Variants in TMEM183A observed in about 807,000 individuals in gnomAD.
The protein encoded by TMEM183A is transmembrane protein 183A.
Under a neutral mutation model 46.7 loss-of-function variants are expected in TMEM183A, and 21 were observed. The ratio of observed to expected loss-of-function variants is 0.45; its 90% confidence interval spans 0.32 to 0.65. TMEM183A has a LOEUF of 0.65. Among genes scored for constraint, TMEM183A ranks in the 30% least tolerant of loss-of-function variants. The probability of loss-of-function intolerance (pLI) is 0.04; values close to 1 mark genes in which losing one functional copy is unlikely to be tolerated. For synonymous variants in TMEM183A, 165 were observed against 180.2 expected (o/e 0.92, Z 0.68); for missense variants, 331 against 481.9 (o/e 0.69, Z 2.93).
chr1:203,022,429 G>A (rs555809764), intron 7 of TMEM183A, among the ~76,000 whole-genome samples: 13 of 152,126 alleles, frequency 8.5e-5, no homozygotes, highest in Non-Finnish European at 1.9e-4. Context: ...TTGGCTGGGC[G>A]TGGTGGCTCA....
At chr1:203,017,851 A>ACG in intron 5 of TMEM183A, 4 of 985,992 alleles carry the variant, frequency 4.1e-6, no homozygotes, top group Non-Finnish European at 4.8e-6. Context: ...GAACAGCAGG[A>ACG]CGTACAGGGC....
chr1:203,020,693 C>T, intron 6 of TMEM183A, 100 bp from the exon 7 acceptor site: 1 of 1,422,916 alleles, frequency 7.0e-7, no homozygotes, highest in Non-Finnish European at 9.7e-7. Context: ...AAAAGTGTAT[C>T]TCACTAGCTT....
intron 5 of TMEM183A, among the ~76,000 whole-genome samples, chr1:203,018,144 G>T (rs1422422703): frequency 6.6e-6 from 1 of 152,190 alleles, no homozygotes; most frequent in Non-Finnish European, 1.5e-5. Context: ...TAATGTAGAG[G>T]ATTAGCCTGC....
intron 6 of TMEM183A, 94 bp downstream of exon 6, chr1:203,018,655 A>G: frequency 1.5e-6 from 2 of 1,368,226 alleles, no homozygotes; most frequent in South Asian, 1.3e-5. Flanking sequence ...CTATAACAGT[A>G]CCACAGATTC....
In TMEM183A at chr1:203,023,776, G is replaced by C. The variant is rs1657938061; in HGVS notation, c.*736G>C. ...AGTTGAGAAAACGGAATTAGTGACT[G>C]TACCTATAACACCAGTAAATGCAGA... On this transcript the variant is annotated 3_prime_UTR_variant, in exon 8 of 8. Coordinates refer to ENST00000367242, the MANE Select transcript of TMEM183A (RefSeq NM_138391.6). 6.6e-6 allele frequency: 1 copy of C among 152,182 alleles called. No homozygotes were observed. The highest frequency in any genetic ancestry group is 1.5e-5 in the Non-Finnish European group (1 of 68,026). The allele number at this position is 152,182 out of a possible 1,614,324, so 9.4% of individuals were successfully genotyped here. A position where few individuals can be genotyped will look rare whatever the true frequency, so the allele number is the denominator to read the frequency against.
intron 3 of TMEM183A, among the ~76,000 whole-genome samples, chr1:203,012,939 C>T (rs974424116): frequency 2.0e-5 from 3 of 152,130 alleles, no homozygotes; most frequent in South Asian, 4.1e-4. Context: ...AAGCCGATCT[C>T]GAACTCCTGG....
rs56743654 is a variant in TMEM183A at position 203,012,235 on chromosome 1, T to TCACACACACACACACACACACACACA, written c.368-2636_368-2611dup. ...ACTTCAACCATTACTCCCCACTCCA[T>TCACACACACACACACACACACACACA]CACACACACACACACACACACACAC... is the stretch of plus-strand genomic sequence containing the variant. On this transcript the variant is annotated intron_variant, in intron 3 of 7. Coordinates refer to ENST00000367242, the MANE Select transcript of TMEM183A (RefSeq NM_138391.6). Among the ~76,000 whole-genome samples the TCACACACACACACACACACACACACA allele has an allele frequency of 2.8e-3, 230 of 80,820 alleles. 4 individuals are homozygous for TCACACACACACACACACACACACACA. The highest frequency in any genetic ancestry group is 7.7e-3 in the Middle Eastern group (1 of 130). The allele number at this position is 80,820 out of a possible 152,430, so 53.0% of individuals were successfully genotyped here.
Position 203,007,484 on chromosome 1 carries a change from C to CCAG in TMEM183A, c.20_21insAGC (p.Pro7_Leu8insAla). 1 of 1,478,978 alleles carries CCAG rather than the reference C, an allele frequency of 6.8e-7. No homozygotes were observed. Among genetic ancestry groups the CCAG allele is most frequent in the Non-Finnish European group, 9.0e-7 (1 of 1,112,404 alleles). 91.6% of individuals were successfully genotyped at this position (1,478,978 alleles called of 1,614,324 possible). ...CGGAGACATGGCCCGGGGGCCCGGC[C>CCAG]CGCTAGGCAGGCCTCGCCCCGATAC... On this transcript the variant is annotated inframe_insertion, in exon 1 of 8. Transcript: ENST00000367242.
rs183449330 is a variant in TMEM183A, at chr1:203,009,299, A to G, written c.367+489A>G. Among the ~76,000 whole-genome samples the G allele has an allele frequency of 3.5e-3, 534 of 152,334 alleles. 4 individuals are homozygous for G. Among genetic ancestry groups the G allele is most frequent in the African/African-American group, 0.012 (507 of 41,572 alleles). ...ATTAGTAATGTCTGCTTTATGTCTA[A>G]TAAGTATTGTGGGAAATAGAAAAGT... On this transcript the variant is annotated intron_variant, in intron 3 of 7. Coordinates refer to ENST00000367242, the MANE Select transcript of TMEM183A (RefSeq NM_138391.6).
chr1:203,015,750 A>G, intron 4 of TMEM183A: 1 of 590,620 alleles, frequency 1.7e-6, no homozygotes, highest in East Asian at 2.9e-5. Context: ...AAAAGTGAGG[A>G]CTTCAACTTT....
chr1:203,022,530 C>G (rs1657794000), intron 7 of TMEM183A, among the ~76,000 whole-genome samples: 1 of 152,012 alleles, frequency 6.6e-6, no homozygotes. Context: ...TGGCAAAACC[C>G]TGTCTCTACT....
chr1:203,015,877 A>G (rs1571614551), intron 4 of TMEM183A, 83 bp from the exon 5 acceptor site: 3 of 1,531,080 alleles, frequency 2.0e-6, no homozygotes, highest in East Asian at 4.5e-5. Flanking sequence ...TAAAGTTCAT[A>G]CAGAGACCAG....
At chr1:203,014,324 C>T (rs1205395341) in intron 3 of TMEM183A, among the ~76,000 whole-genome samples, 1 of 152,174 alleles carries the variant, frequency 6.6e-6, no homozygotes, top group Non-Finnish European at 1.5e-5. Context: ...AAATGATGGT[C>T]AGGTGCAGTG....
chr1:203,008,155 T>C (rs1656167123), intron 2 of TMEM183A, among the ~76,000 whole-genome samples: 1 of 152,236 alleles, frequency 6.6e-6, no homozygotes, highest in Non-Finnish European at 1.5e-5. Context: ...TACTCTGCAG[T>C]TTGCTTCCTT....
At position 203,007,472 on chromosome 1, in the gene TMEM183A, C is replaced by T. The variant is rs1055859092; in HGVS notation, c.7C>T (p.Arg3Trp). 4.1e-6 allele frequency: 6 copies of T among 1,445,808 alleles called. No homozygotes were observed. The highest frequency in any genetic ancestry group is 3.0e-5 in the African/African-American group (2 of 67,596). The allele number at this position is 1,445,808 out of a possible 1,614,324, so 89.6% of individuals were successfully genotyped here. MA[R>W]GPGPLGRPRP... The stretch of plus-strand genomic sequence containing the variant: ...CGGCTCTCCGGCCGGAGACATGGCC[C>T]GGGGGCCCGGCCCGCTAGGCAGGCC... Residue 3 changes from arginine to tryptophan, a missense_variant, in exon 1 of 8, where the codon CGG becomes TGG. By Grantham distance (101) the Arg-to-Trp change is moderately radical (BLOSUM62 -3). Around this residue, in one of 2 missense-constraint regions of TMEM183A, gnomAD observed 98 missense variants for 96.1 expected, o/e 1.02. Coordinates refer to ENST00000367242, the MANE Select transcript of TMEM183A (RefSeq NM_138391.6).
chr1:203,020,322 T>G (rs1447288490), intron 6 of TMEM183A, among the ~76,000 whole-genome samples: 1 of 152,206 alleles, frequency 6.6e-6, no homozygotes, highest in Non-Finnish European at 1.5e-5. Context: ...GAAATGTGAC[T>G]AGAAGCAGAC....
intron 7 of TMEM183A, among the ~76,000 whole-genome samples, chr1:203,021,923 C>A (rs1267258639): frequency 5.3e-5 from 8 of 152,052 alleles, no homozygotes; most frequent in Non-Finnish European, 1.2e-4. Flanking sequence ...AATATACTGA[C>A]AAAGTAAAGG....
Position 203,022,010 on chromosome 1 carries a change from A to G in TMEM183A, c.946-845A>G, listed in dbSNP as rs137910909. Among the ~76,000 whole-genome samples, 1,144 of 152,298 alleles carry G rather than the reference A, an allele frequency of 7.5e-3. 14 individuals carry two copies. Among genetic ancestry groups the G allele is most frequent in the African/African-American group, 0.026 (1,091 of 41,566 alleles). The stretch of plus-strand genomic sequence containing the variant: ...TCTCTTAATGTGTCTGTTAATATGT[A>G]TGTACTCTCTCTCTCTCAAATAATT... On this transcript the variant is annotated intron_variant, in intron 7 of 7. Transcript: ENST00000367242.
At chr1:203,017,947 G>A in intron 5 of TMEM183A, 1 of 986,246 alleles carries the variant, frequency 1.0e-6, no homozygotes, top group Middle Eastern at 5.2e-4. Context: ...CTTAACCCTA[G>A]CTGTAGCCTG....
Sources: allele counts gnomAD v4.1 joint callset (sites outside exome capture counted in the v4.1 genomes callset), GRCh38; gene constraint gnomAD v4.1.1; regional missense constraint gnomAD v4.1.1; transcripts MANE v1.5; gene names NCBI Gene and HGNC (gene_info 2026-07-23, HGNC 2026-07-21).